Variants in MACF1 observed in about 807,000 individuals in gnomAD.
MACF1 encodes microtubule actin crosslinking factor 1, also known as microtubule-actin cross-linking factor 1.
Under a neutral mutation model 854.8 loss-of-function variants are expected in MACF1, and 193 were observed. The ratio of observed to expected loss-of-function variants is 0.23; its 90% CI spans 0.20 to 0.25. The LOEUF (loss-of-function observed/expected upper bound fraction) is 0.25. MACF1 is among the 10% of genes least tolerant of loss of function. The pLI is 1.00. For missense variants in MACF1, 7,722 were observed against 8,929.1 expected (o/e 0.86, Z 5.45); for synonymous variants, 3,185 against 3,226.7 (o/e 0.99, Z 0.44).
At chr1:39,112,766 G>A (rs1331524222) in intron 2 of MACF1, among the ~76,000 whole-genome samples, 1 of 152,170 alleles carries the variant, frequency 6.6e-6, no homozygotes, top group Non-Finnish European at 1.5e-5. Context: ...AAAAGAATTA[G>A]CAGTGTTAGT....
At chr1:39,370,930 A>T (rs1379991228) in intron 51 of MACF1, among the ~76,000 whole-genome samples, 1 of 152,198 alleles carries the variant, frequency 6.6e-6, no homozygotes, top group Non-Finnish European at 1.5e-5. Flanking sequence ...GTAGTTGTTC[A>T]TATGGTGTTC....
intron 2 of MACF1, among the ~76,000 whole-genome samples, chr1:39,115,262 A>C (rs1188832479): frequency 6.6e-6 from 1 of 152,222 alleles, no homozygotes; most frequent in Non-Finnish European, 1.5e-5. Flanking sequence ...GGAAGCTGTC[A>C]CAGGAATTTA....
At position 39,482,213 on chromosome 1, in the gene MACF1, G is replaced by A. The variant is rs185007712; in HGVS notation, c.22281+1183G>A. ...GGCCATCTCCTGACTTGGAATTCTAGCCCGGGTTCTAGCTGTGGTCTTCCA... is the reference window on the plus strand; with the variant it reads ...GGCCATCTCCTGACTTGGAATTCTAACCCGGGTTCTAGCTGTGGTCTTCCA... On this transcript the variant is annotated intron_variant, in intron 99 of 100. Coordinates refer to ENST00000564288, the MANE Select transcript of MACF1 (RefSeq NM_001394062.1). Among the ~76,000 whole-genome samples the A allele has an allele frequency of 4.6e-5, 7 of 152,236 alleles. No homozygotes were observed. The East Asian group carries it at 1.4e-3, about 29-fold the overall frequency.
chr1:39,271,600 T>A (rs574057510), intron 6 of MACF1, among the ~76,000 whole-genome samples: 1 of 152,224 alleles, frequency 6.6e-6, no homozygotes, highest in African/African-American at 2.4e-5. Context: ...AAGTCAACTT[T>A]TATCTTGTAA....
rs768877074 is a variant in MACF1, at chr1:39,460,725, C to T, written c.21454C>T (p.Arg7152Trp). 6.8e-6 allele frequency: 11 copies of T among 1,614,130 alleles called. No homozygotes were observed. The highest frequency in any genetic ancestry group is 9.3e-6 in the Non-Finnish European group (11 of 1,180,000). Reference sequence around the variant, plus strand: ...AAAGTCTCGAGTGATGGATTTCTTCCGGCGCATTGATAAGGACCAGGATGG... The same window carrying T: ...AAAGTCTCGAGTGATGGATTTCTTCTGGCGCATTGATAAGGACCAGGATGG... The part of the protein sequence containing the change: ...HKKSRVMDFF[R>W]RIDKDQDGKI... Residue 7152 changes from arginine (R) to tryptophan (W), a missense_variant, in exon 92 of 101, where the codon CGG becomes TGG. By Grantham distance (101) the Arg-to-Trp change is moderately radical. This residue lies in a region of MACF1 where 153 missense variants were observed against 342.5 expected (regional missense o/e 0.45). Transcript: ENST00000564288. This position sits in a 1 kb window ranked among gnomAD's most constrained non-coding sequence, Gnocchi z 4.1.
chr1:39,411,134 T>C, intron 58 of MACF1: 1 of 1,613,632 alleles, frequency 6.2e-7, no homozygotes, highest in South Asian at 1.1e-5. Flanking sequence ...ATGCCACCTC[T>C]CTCCCCTTGC....
chr1:39,288,335 A>G (rs1645690084), intron 15 of MACF1, among the ~76,000 whole-genome samples: 1 of 151,970 alleles, frequency 6.6e-6, no homozygotes, highest in South Asian at 2.1e-4. Flanking sequence ...CGTCTCTACT[A>G]AAAATACAAA....
intron 2 of MACF1, among the ~76,000 whole-genome samples, chr1:39,186,260 T>C (rs1469078082): frequency 1.4e-5 from 2 of 137,936 alleles, no homozygotes; most frequent in Non-Finnish European, 3.1e-5. Context: ...TGGTGGGGGG[T>C]GAAATGACTT....
At chr1:39,465,158 G>C in intron 95 of MACF1, 46 bp downstream of exon 95, 1 of 1,588,384 alleles carries the variant, frequency 6.3e-7, no homozygotes, top group South Asian at 1.1e-5. Context: ...GATATGGTCT[G>C]TGTAGCTAAT....
In MACF1 at chr1:39,336,095, A is replaced by G; in HGVS notation, c.9507A>G (p.Lys3169=). 1 of 1,613,986 alleles carries G rather than the reference A, an allele frequency of 6.2e-7. No individual in the cohort carries two copies. The highest frequency in any genetic ancestry group is 1.7e-5 in the Admixed American group (1 of 59,960). The stretch of plus-strand genomic sequence containing the variant: ...AAATTTCCTCATCTAATGAATGTAA[A>G]GAAAAGTCATACCAAGAAGTATCTT... ...KHQISSSNEC[K]EKSYQEVSFD... The change falls in exon 37 of 101, where the codon AAA becomes AAG. Residue 3169 remains lysine, a synonymous_variant. Coordinates refer to ENST00000564288, the MANE Select transcript of MACF1 (RefSeq NM_001394062.1).
chr1:39,112,374 G>A (rs1265608614), intron 2 of MACF1, among the ~76,000 whole-genome samples: 1 of 152,108 alleles, frequency 6.6e-6, no homozygotes, highest in Admixed American at 6.5e-5. Flanking sequence ...ATGAGCCACT[G>A]TGCCTGGCCA....
chr1:39,441,843 C>A, intron 74 of MACF1, 109 bp from the exon 75 acceptor site: 3 of 788,550 alleles, frequency 3.8e-6, no homozygotes, highest in Non-Finnish European at 6.6e-6. Flanking sequence ...TCACAAACAG[C>A]ACAAGGTGCT....
chr1:39,096,288 A>G (rs1180960181), intron 2 of MACF1, among the ~76,000 whole-genome samples: 3 of 151,896 alleles, frequency 2.0e-5, no homozygotes, highest in Non-Finnish European at 4.4e-5. Flanking sequence ...GTTTTCTAAG[A>G]CTTGACTTGC....
chr1:39,434,386 C>CTTT lies in MACF1; in HGVS notation c.17566-13_17566-11dup, dbSNP rs71798934. ...AGAGTTTATAATAGTAATACTTATC[C>CTTT]TTTTTTTTTTTTTTTTTGCTCACAT... On this transcript the variant is annotated intron_variant, in intron 68 of 100. Coordinates refer to ENST00000564288, the MANE Select transcript of MACF1 (RefSeq NM_001394062.1). 354 of 986,888 alleles carry CTTT rather than the reference C, an allele frequency of 3.6e-4. 6 individuals are homozygous for CTTT. Among genetic ancestry groups the CTTT allele is most frequent in the African/African-American group, 3.3e-3 (177 of 54,374 alleles). The allele number at this position is 986,888 out of a possible 1,614,324, so 61.1% of individuals were successfully genotyped here. A position where few individuals can be genotyped will look rare whatever the true frequency, so the allele number is the denominator to read the frequency against.
intron 6 of MACF1, among the ~76,000 whole-genome samples, chr1:39,259,263 A>G (rs1645130018): frequency 6.6e-6 from 1 of 152,094 alleles, no homozygotes; most frequent in African/African-American, 2.4e-5. Context: ...CACCCCAACT[A>G]CTACAACTAA....
intron 100 of MACF1, 184 bp from the exon 101 acceptor site, chr1:39,485,352 TTC>T (rs760728465): frequency 1.5e-6 from 1 of 646,800 alleles, no homozygotes; most frequent in South Asian, 2.1e-5. Flanking sequence ...AGGAGGCAGC[TTC>T]TCAAGTAGAA....
chr1:39,412,279 T>C (rs969811554), intron 58 of MACF1: 2 of 1,613,946 alleles, frequency 1.2e-6, no homozygotes, highest in Admixed American at 3.3e-5. Flanking sequence ...AGTAGAGGTG[T>C]TATATGAATC....
Position 39,347,017 on chromosome 1 carries a change from A to C in MACF1, c.10622A>C (p.Asp3541Ala), listed in dbSNP as rs1177027416. ...QPMAERKAQL[D>A]ALAFDIQFFI... ...ATGGCTGAAAGGAAAGCTCAGCTGG[A>C]TGCTCTTGCTTTTGATATTCAGTTC... Residue 3541 changes from aspartate (D) to alanine (A), a missense_variant, in exon 41 of 101, where the codon GAT becomes GCT. Physicochemically the swap from Asp to Ala is moderately radical, Grantham distance 126. This residue lies in a region of MACF1 where 854 missense variants were observed against 852.6 expected (regional missense o/e 1.00). Coordinates refer to ENST00000564288, the MANE Select transcript of MACF1 (RefSeq NM_001394062.1). 1.2e-6 allele frequency: 2 copies of C among 1,613,832 alleles called. No homozygotes were observed. The highest frequency in any genetic ancestry group is 2.7e-5 in the African/African-American group (2 of 74,916).
At chr1:39,440,724 A>G (rs2148664312) in intron 72 of MACF1, among the ~76,000 whole-genome samples, 1 of 152,234 alleles carries the variant, frequency 6.6e-6, no homozygotes, top group East Asian at 1.9e-4. Context: ...TGTTGATTAT[A>G]ATTTCTTTGG....
Sources: allele counts gnomAD v4.1 joint callset (sites outside exome capture counted in the v4.1 genomes callset), GRCh38; gene constraint gnomAD v4.1.1; regional missense constraint gnomAD v4.1.1; non-coding constraint Gnocchi (gnomAD v3.1); transcripts MANE v1.5; gene names NCBI Gene and HGNC (gene_info 2026-07-23, HGNC 2026-07-21).